Variants in CDKL5 observed in about 807,000 individuals in gnomAD.
The protein encoded by CDKL5 is cyclin dependent kinase like 5.
In CDKL5, 8 loss-of-function variants were observed where a neutral mutation model predicts 61.7. That is an observed-to-expected ratio of 0.13 (90% confidence interval 0.08 to 0.23). CDKL5 has a LOEUF of 0.23. CDKL5 is among the 10% of genes least tolerant of loss of function. The pLI is 1.00. For synonymous variants in CDKL5, 275 were observed against 272.3 expected, an observed-to-expected ratio of 1.01 and a Z score of -0.10; for missense variants, 440 against 734.5, an observed-to-expected ratio of 0.60 and a Z score of 4.63.
At chrX:18,495,708 ACT>A (rs1922145003) in intron 1 of CDKL5, among the ~76,000 whole-genome samples, 1 of 110,384 alleles carries the variant, frequency 9.1e-6, no homozygotes, top group Non-Finnish European at 1.9e-5. Context: ...ACTCTCTAAG[ACT>A]CTTTGTACTG....
At chrX:18,566,783 T>C (rs1410597917) in intron 4 of CDKL5, among the ~76,000 whole-genome samples, 3 of 111,948 alleles carry the variant, frequency 2.7e-5, no homozygotes, top group Non-Finnish European at 5.6e-5. Flanking sequence ...GACGTGGTAT[T>C]GGGAGTTCAT....
At chrX:18,645,617 C>T (rs1217012347) in intron 19 of CDKL5, among the ~76,000 whole-genome samples, 1 of 111,123 alleles carries the variant, frequency 9.0e-6, no homozygotes, top group African/African-American at 3.3e-5. Context: ...TCCACCGCCA[C>T]CACTCTAGCC....
chrX:18,545,529 T>C (rs777903137), intron 3 of CDKL5, among the ~76,000 whole-genome samples: 1 of 112,203 alleles, frequency 8.9e-6, no homozygotes, highest in Non-Finnish European at 1.9e-5. Context: ...AATATAGCCG[T>C]GTTCCTCTGT....
At chrX:18,467,695 A>G (rs951867717) in intron 1 of CDKL5, among the ~76,000 whole-genome samples, 1 of 111,970 alleles carries the variant, frequency 8.9e-6, no homozygotes, top group African/African-American at 3.2e-5. Context: ...AAGCAGCCTC[A>G]GTAAAGGGAT....
At chrX:18,471,605 C>T (rs932016399) in intron 1 of CDKL5, among the ~76,000 whole-genome samples, 1 of 111,841 alleles carries the variant, frequency 8.9e-6, no homozygotes, top group African/African-American at 3.2e-5. Context: ...AACTCCTCAG[C>T]TCAAGCAATC....
At position 18,506,877 on chromosome X, in the gene CDKL5, T is replaced by C. The variant is rs572734759; in HGVS notation, c.-162-58T>C. 7.6e-6 allele frequency: 3 copies of C among 397,002 alleles called. No individual in the cohort carries two copies. The South Asian group carries it at 1.4e-4, about 18-fold the overall frequency. The allele number at this position is 397,002 out of a possible 1,213,427, so 32.7% of individuals were successfully genotyped here. A position where few individuals can be genotyped will look rare whatever the true frequency, so the allele number is the denominator to read the frequency against. ...TAACTCTACAAAAAGGTAAGATTGG[T>C]TACTAGAGTACTGCAAATATAAAAC... On this transcript the variant is annotated intron_variant, in intron 1 of 17. Transcript: ENST00000623535.
chrX:18,451,547 T>C (rs1301624528), intron 1 of CDKL5, among the ~76,000 whole-genome samples: 4 of 111,354 alleles, frequency 3.6e-5, no homozygotes, highest in African/African-American at 1.3e-4. Context: ...TTTAATTGAT[T>C]AATTTTTGTG....
At chrX:18,649,601 G>C (rs1369094144) in intron 20 of CDKL5, among the ~76,000 whole-genome samples, 1 of 111,643 alleles carries the variant, frequency 9.0e-6, no homozygotes, top group Non-Finnish European at 1.9e-5. Context: ...GTGGGTCTGA[G>C]GGTGAGGGCA....
intron 1 of CDKL5, among the ~76,000 whole-genome samples, chrX:18,445,645 T>C (rs1361610465): frequency 1.8e-5 from 2 of 110,921 alleles, no homozygotes; most frequent in African/African-American, 6.6e-5. Context: ...CCCCGTGCTG[T>C]TCCTGTGAGT....
At chrX:18,454,890 A>ATTTTTT (rs759341960) in intron 1 of CDKL5, among the ~76,000 whole-genome samples, 2 of 80,264 alleles carry the variant, frequency 2.5e-5, no homozygotes, top group African/African-American at 9.7e-5. Flanking sequence ...TCTCAAGTGT[A>ATTTTTT]TTTTTTTTTT....
intron 9 of CDKL5, among the ~76,000 whole-genome samples, chrX:18,590,066 A>G (rs933853075): frequency 3.6e-5 from 4 of 110,731 alleles, no homozygotes; most frequent in Admixed American, 1.9e-4. Flanking sequence ...GATTGCAAAA[A>G]TTTTCTCCCA....
chrX:18,459,358 C>T (rs1352873094), intron 1 of CDKL5, among the ~76,000 whole-genome samples: 1 of 110,202 alleles, frequency 9.1e-6, no homozygotes, highest in Non-Finnish European at 1.9e-5. Context: ...GAGTTCGAGA[C>T]CAGCCTGGCT....
At chrX:18,593,838 A>G (rs1602279425) in intron 9 of CDKL5, among the ~76,000 whole-genome samples, 1 of 112,294 alleles carries the variant, frequency 8.9e-6, no homozygotes, top group Non-Finnish European at 1.9e-5. Context: ...GTGCTGTCCT[A>G]CTTTTCTCTG....
intron 20 of CDKL5, chrX:18,647,758 T>TA: frequency 6.2e-6 from 1 of 161,706 alleles, no homozygotes. Flanking sequence ...ACGTCAGGTC[T>TA]CTTGTTGTCC....
chrX:18,646,125 A>G (rs769802122), intron 20 of CDKL5: 18 of 1,211,215 alleles, frequency 1.5e-5, no homozygotes, highest in South Asian at 1.8e-5. Context: ...TCAAGCTGCC[A>G]TAACGACCCT....
chrX:18,550,646 G>A (rs758212985), intron 3 of CDKL5, among the ~76,000 whole-genome samples: 1 of 112,283 alleles, frequency 8.9e-6, no homozygotes, highest in Non-Finnish European at 1.9e-5. Context: ...GTGGAACATA[G>A]CTTTTAAGTC....
At chrX:18,517,659 T>C (rs990880212) in intron 3 of CDKL5, among the ~76,000 whole-genome samples, 1 of 111,476 alleles carries the variant, frequency 9.0e-6, no homozygotes, top group East Asian at 2.8e-4. Flanking sequence ...ATATAGGCAC[T>C]GATGAACAAA....
intron 3 of CDKL5, among the ~76,000 whole-genome samples, chrX:18,525,453 C>CT (rs762362781): frequency 3.2e-4 from 35 of 110,897 alleles, no homozygotes; most frequent in African/African-American, 1.1e-3. Context: ...CAGGCTGGCT[C>CT]TTGAGTCTGT....
intron 14 of CDKL5, among the ~76,000 whole-genome samples, chrX:18,610,627 G>A (rs1310951040): frequency 1.8e-5 from 2 of 113,150 alleles, no homozygotes; most frequent in African/African-American, 6.4e-5. Context: ...GGGCTAAAAT[G>A]TACTTTGTTA....
Sources: allele counts gnomAD v4.1 joint callset (sites outside exome capture counted in the v4.1 genomes callset), GRCh38; gene constraint gnomAD v4.1.1; transcripts MANE v1.5; gene names NCBI Gene and HGNC (gene_info 2026-07-23, HGNC 2026-07-21).